The following ZNF197 variants were observed in gnomAD, a reference collection of about 807,000 sequenced individuals.
The protein encoded by ZNF197 is VHL-associated KRAB-A domain-containing protein.
Under a neutral mutation model 27.4 loss-of-function variants are expected in ZNF197, and 14 were observed. The ratio of observed to expected loss-of-function variants is 0.51; its 90% confidence interval spans 0.34 to 0.80. ZNF197 has a LOEUF of 0.80. Ranked by LOEUF, ZNF197 falls within the 30% of genes least tolerant of loss-of-function variation. The pLI, the probability that ZNF197 is intolerant of heterozygous loss-of-function variation, is 0.02. For synonymous variants in ZNF197, 415 were observed against 420.0 expected, an observed-to-expected ratio of 0.99 and a Z score of 0.15; for missense variants, 1,090 against 1,222.6, an observed-to-expected ratio of 0.89 and a Z score of 1.62.
Position 44,642,823 on chromosome 3 carries a change from C to A in ZNF197, c.1693C>A (p.Pro565Thr). The A allele has an allele frequency of 6.2e-7, 1 of 1,614,016 alleles. No homozygotes were observed. Among genetic ancestry groups the A allele is most frequent in the Non-Finnish European group, 8.5e-7 (1 of 1,180,016 alleles). ...TCAGCGACTCCACAGTGCAGAGAACCCTTACAAGTGTAAAGAATGTGGAAA... is the reference window on the plus strand; with the variant it reads ...TCAGCGACTCCACAGTGCAGAGAACACTTACAAGTGTAAAGAATGTGGAAA... Reference protein sequence around the residue: ...DHQRLHSAENPYKCKECGKVF... With the variant: ...DHQRLHSAENTYKCKECGKVF... The change falls in exon 6 of 6, where the codon CCT becomes ACT. Residue 565 changes from proline to threonine, a missense_variant. Physicochemically the swap from Pro to Thr is conservative, Grantham distance 38. Transcript: ENST00000344387.
rs759694759 is a variant in ZNF197, at chr3:44,642,743, A to G, written c.1613A>G (p.Tyr538Cys). The G allele has an allele frequency of 2.5e-6, 4 of 1,613,852 alleles. No individual in the cohort carries two copies. The highest frequency in any genetic ancestry group is 2.2e-5 in the South Asian group (2 of 91,076). ...AGAATCCACTCTGGGGAAAAACCCT[A>G]TAAATGTGATGAATGTGGAAAGACC... ...HQRIHSGEKP[Y>C]KCDECGKTFA... Residue 538 changes from tyrosine to cysteine, a missense_variant, in exon 6 of 6, where the codon TAT (tyrosine) becomes TGT (cysteine). Physicochemically the swap from Tyr to Cys is radical, Grantham distance 194. Coordinates refer to ENST00000344387, the MANE Select transcript of ZNF197 (RefSeq NM_006991.5).
intron 5 of ZNF197, among the ~76,000 whole-genome samples, chr3:44,637,526 C>T (rs1702367152): frequency 6.6e-6 from 1 of 151,736 alleles, no homozygotes; most frequent in Admixed American, 6.6e-5. Context: ...CTTTTGGTGT[C>T]ATATCTAAGA....
chr3:44,643,316 C>T lies in ZNF197; in HGVS notation c.2186C>T (p.Thr729Ile), dbSNP rs760445839. 3 of 1,613,752 alleles carry T rather than the reference C, an allele frequency of 1.9e-6. No homozygotes were observed. Among genetic ancestry groups the T allele is most frequent in the Non-Finnish European group, 2.5e-6 (3 of 1,179,898 alleles). ...TTTATGGTCCATCAGAAACTCCATA[C>T]ACAAGAGAAAGCCTACAAATGTGAG... The part of the protein sequence containing the change: ...KSFMVHQKLH[T>I]QEKAYKCEDC... Residue 729 changes from threonine (T) to isoleucine (I), a missense_variant, in exon 6 of 6, where the codon ACA (threonine) becomes ATA (isoleucine). Thr to Ile is a moderately conservative substitution (Grantham distance 89). Coordinates refer to ENST00000344387, the MANE Select transcript of ZNF197 (RefSeq NM_006991.5).
intron 5 of ZNF197, among the ~76,000 whole-genome samples, 188 bp downstream of exon 5, chr3:44,632,787 A>G (rs1028440902): frequency 1.3e-5 from 2 of 151,870 alleles, no homozygotes; most frequent in South Asian, 2.1e-4. Context: ...TGTTTTTTCT[A>G]TATGTTTGAG....
chr3:44,627,675 A>G (rs1316778758), intron 1 of ZNF197, among the ~76,000 whole-genome samples: 1 of 151,964 alleles, frequency 6.6e-6, no homozygotes, highest in Non-Finnish European at 1.5e-5. Flanking sequence ...TACCAAAAAT[A>G]CAAAAATTAC....
intron 5 of ZNF197, among the ~76,000 whole-genome samples, chr3:44,636,719 C>T (rs1178363663): frequency 6.6e-6 from 1 of 152,086 alleles, no homozygotes; most frequent in Non-Finnish European, 1.5e-5. Context: ...TTCATTTCTA[C>T]CTAGAAGTAG....
At chr3:44,637,187 G>T (rs1702345292) in intron 5 of ZNF197, among the ~76,000 whole-genome samples, 1 of 152,080 alleles carries the variant, frequency 6.6e-6, no homozygotes, top group Non-Finnish European at 1.5e-5. Context: ...GGAGTGTAGT[G>T]GTGTGATCAT....
Position 44,632,231 on chromosome 3 carries a change from C to A in ZNF197, c.642+35C>A, listed in dbSNP as rs749782604. ...GCATCCTCTTTCCTTCCCATCTGCA[C>A]AGCGTAACTGTGGCTGAAGTGCCCT... On this transcript the variant is annotated intron_variant, in intron 4 of 5. Coordinates refer to ENST00000344387, the MANE Select transcript of ZNF197 (RefSeq NM_006991.5). 6.2e-6 allele frequency: 10 copies of A among 1,607,894 alleles called. No individual in the cohort carries two copies. The African/African-American group carries it at 1.3e-4, about 21-fold the overall frequency.
intron 5 of ZNF197, among the ~76,000 whole-genome samples, chr3:44,633,229 C>A (rs973419450): frequency 6.6e-6 from 1 of 152,066 alleles, no homozygotes; most frequent in African/African-American, 2.4e-5. Flanking sequence ...TATATATATT[C>A]TAAAATAGAT....
chr3:44,632,072 A>C, intron 3 of ZNF197, 33 bp from the exon 4 acceptor site: 1 of 1,592,762 alleles, frequency 6.3e-7, no homozygotes, highest in Non-Finnish European at 8.6e-7. Flanking sequence ...AAAGGTTTGT[A>C]GGTCCCATAT....
At position 44,640,905 on chromosome 3, in the gene ZNF197, ATAAACT is replaced by A. The variant is rs1361110856; in HGVS notation, c.770-990_770-985del. On this transcript the variant is annotated intron_variant, in intron 5 of 5. Transcript: ENST00000344387. The surrounding 1 kb of genome is among the most constrained non-coding windows in gnomAD (Gnocchi z 4.0). ...GGATATTTGCCATCCTCATCCTTTC[ATAAACT>A]TAAAGAAATGTATAATGAAATAAAA... Among the ~76,000 whole-genome samples, 3 of 152,212 alleles carry A rather than the reference ATAAACT, an allele frequency of 2.0e-5. No homozygotes were observed. The highest frequency in any genetic ancestry group is 6.5e-5 in the Admixed American group (1 of 15,278).
Position 44,631,090 on chromosome 3 carries a change from C to T in ZNF197, c.419C>T (p.Thr140Ile). ...QVPVLVKDQDTLQKVVSAPGT... is the reference protein window; with the variant it reads ...QVPVLVKDQDILQKVVSAPGT... ...CCAGTCCTTGTCAAGGATCAGGACA[C>T]TCTCCAGAAGGTGGTGAGTGCCCCA... Residue 140 changes from threonine to isoleucine, a missense_variant, in exon 3 of 6, where the codon ACT (threonine) becomes ATT (isoleucine). Coordinates refer to ENST00000344387, the MANE Select transcript of ZNF197 (RefSeq NM_006991.5). 5 of 1,614,092 alleles carry T rather than the reference C, an allele frequency of 3.1e-6. No homozygotes were observed. The highest frequency in any genetic ancestry group is 4.2e-6 in the Non-Finnish European group (5 of 1,180,030).
intron 1 of ZNF197, among the ~76,000 whole-genome samples, chr3:44,627,246 TGTAAA>T (rs1231066667): frequency 6.6e-6 from 1 of 152,172 alleles, no homozygotes; most frequent in African/African-American, 2.4e-5. Flanking sequence ...TAAGGAAAAA[TGTAAA>T]GTAAAGCCTC....
intron 5 of ZNF197, among the ~76,000 whole-genome samples, chr3:44,637,390 A>G (rs1702360713): frequency 6.6e-6 from 1 of 152,024 alleles, no homozygotes; most frequent in African/African-American, 2.4e-5. Context: ...AGCCTCCCCA[A>G]GTGTTGGCAT....
chr3:44,644,475 C>G lies in ZNF197; in HGVS notation c.*255C>G. Reference sequence around the variant, plus strand: ...CCAACATGGTGAAACCCCATCTCTACTAAAATACAAAAATTATCCGGGCAT... The same window carrying G: ...CCAACATGGTGAAACCCCATCTCTAGTAAAATACAAAAATTATCCGGGCAT... On this transcript the variant is annotated 3_prime_UTR_variant, in exon 6 of 6. Transcript: ENST00000344387. The G allele has an allele frequency of 1.1e-6, 1 of 917,362 alleles. No homozygotes were observed. Among genetic ancestry groups the G allele is most frequent in the Non-Finnish European group, 1.4e-6 (1 of 725,972 alleles). 56.8% of individuals were successfully genotyped at this position (917,362 alleles called of 1,614,324 possible). A position where few individuals can be genotyped will look rare whatever the true frequency, so the allele number is the denominator to read the frequency against.
rs571728544 is a variant in ZNF197 at position 44,642,131 on chromosome 3, G to A, written c.1001G>A (p.Arg334Lys). The change falls in exon 6 of 6, where the codon AGG becomes AAG. Residue 334 changes from arginine to lysine, a missense_variant. Arg to Lys is a conservative substitution (Grantham distance 26, BLOSUM62 2). Transcript: ENST00000344387. ...CTTTGTGAACGAGACAAGAAGAAAA[G>A]GACTCCACCAGAGAAACAAGGCCAA... ...VSLCERDKKK[R>K]TPPEKQGQKW... is the part of the protein sequence containing the mutation. The A allele has an allele frequency of 4.0e-5, 64 of 1,614,064 alleles. 1 individual carries two copies. In the South Asian group the frequency reaches 6.6e-4, roughly 17 times the overall value.
Position 44,644,416 on chromosome 3 carries a change from A to G in ZNF197, c.*196A>G, listed in dbSNP as rs1702831199. On this transcript the variant is annotated 3_prime_UTR_variant, in exon 6 of 6. Coordinates refer to ENST00000344387, the MANE Select transcript of ZNF197 (RefSeq NM_006991.5). ...CACTTTGAGAGGCCGAAGCGAGTGG[A>G]TCACCTGAGGTCAGGATTTTGAGAC... 12 of 1,279,236 alleles carry G rather than the reference A, an allele frequency of 9.4e-6. No homozygotes were observed. The highest frequency in any genetic ancestry group is 1.2e-5 in the Non-Finnish European group (12 of 1,000,836). The allele number at this position is 1,279,236 out of a possible 1,614,324, so 79.2% of individuals were successfully genotyped here. A position where few individuals can be genotyped will look rare whatever the true frequency, so the allele number is the denominator to read the frequency against.
At chr3:44,625,900 G>A (rs1701634570) in intron 1 of ZNF197, among the ~76,000 whole-genome samples, 1 of 152,096 alleles carries the variant, frequency 6.6e-6, no homozygotes, top group African/African-American at 2.4e-5. Flanking sequence ...GAACAGTTTG[G>A]GTTGTTTGGG....
rs1364077083 is a variant in ZNF197, at chr3:44,647,041, A to C, written c.*2821A>C. The stretch of plus-strand genomic sequence containing the variant: ...TACCCTGTAAGAGACCTTTTTACAA[A>C]GATGATATTACAGGTTGGGAAAAAA... On this transcript the variant is annotated 3_prime_UTR_variant, in exon 6 of 6. Coordinates refer to ENST00000344387, the MANE Select transcript of ZNF197 (RefSeq NM_006991.5). 1 of 152,296 alleles carries C rather than the reference A, an allele frequency of 6.6e-6. No individual in the cohort carries two copies. The highest frequency in any genetic ancestry group is 2.4e-5 in the African/African-American group (1 of 41,462). 9.4% of individuals were successfully genotyped at this position (152,296 alleles called of 1,614,324 possible).
Sources: gnomAD v4.1 joint callset for allele counts (sites outside exome capture counted in the v4.1 genomes callset) on GRCh38, gnomAD v4.1.1 for gene constraint, Gnocchi (gnomAD v3.1) non-coding constraint, MANE v1.5 for transcripts, NCBI Gene and HGNC (gene_info 2026-07-23, HGNC 2026-07-21) for gene names.